The following CSTPP1 variants were observed in gnomAD, a reference collection of about 807,000 sequenced individuals.
CSTPP1 encodes centriolar satellite-associated tubulin polyglutamylase complex regulator 1.
chr11:46,981,692 T>G, the CSTPP1 span, among the ~76,000 whole-genome samples: 14,272 of 152,122 alleles, frequency 0.094, 2,221 homozygotes, highest in African/African-American at 0.33. Flanking sequence ...GAGTCAAATC[T>G]AAGTTTGAAT....
chr11:47,086,124 C>T, the CSTPP1 span, among the ~76,000 whole-genome samples: 182 of 151,132 alleles, frequency 1.2e-3, no homozygotes, highest in African/African-American at 4.2e-3. Flanking sequence ...CACAGTGGCT[C>T]ACGCCTGAAA....
chr11:47,023,592 T>G, the CSTPP1 span, among the ~76,000 whole-genome samples: 1 of 152,240 alleles, frequency 6.6e-6, no homozygotes, highest in African/African-American at 2.4e-5. Context: ...CACTAAATAC[T>G]GACTTGCCAA....
At chr11:47,137,875 A>C in the CSTPP1 span, 11 of 717,828 alleles carry the variant, frequency 1.5e-5, no homozygotes, top group Non-Finnish European at 2.5e-5. Context: ...ATGTGCCCCA[A>C]AACATAATAC....
the CSTPP1 span, among the ~76,000 whole-genome samples, chr11:47,034,947 C>CT: frequency 6.6e-6 from 1 of 152,186 alleles, no homozygotes; most frequent in Admixed American, 6.5e-5. Context: ...AATTCTCCAG[C>CT]TTTAGACCCT....
At chr11:46,962,056 A>G in the CSTPP1 span, among the ~76,000 whole-genome samples, 1 of 152,160 alleles carries the variant, frequency 6.6e-6, no homozygotes, top group Admixed American at 6.5e-5. Context: ...TTATAAAACC[A>G]TCAGATCTTG....
the CSTPP1 span, among the ~76,000 whole-genome samples, chr11:47,033,804 A>G: frequency 6.6e-6 from 1 of 152,150 alleles, no homozygotes; most frequent in Non-Finnish European, 1.5e-5. Context: ...ACAGAGTACT[A>G]TGTGTAATGG....
the CSTPP1 span, among the ~76,000 whole-genome samples, chr11:47,163,557 G>A: frequency 6.6e-6 from 1 of 152,194 alleles, no homozygotes. Flanking sequence ...CCAAGCTAAG[G>A]ATTTACACAC....
the CSTPP1 span, among the ~76,000 whole-genome samples, chr11:47,033,756 A>G: frequency 6.6e-6 from 1 of 152,198 alleles, no homozygotes; most frequent in South Asian, 2.1e-4. Context: ...TTGATGTTCT[A>G]TCAGGATTCT....
chr11:47,135,210 AAAAC>A, the CSTPP1 span, among the ~76,000 whole-genome samples: 1 of 152,140 alleles, frequency 6.6e-6, no homozygotes, highest in Non-Finnish European at 1.5e-5. Flanking sequence ...AAACAGAACC[AAAAC>A]AAACTCCCAT....
At chr11:47,095,774 G>A in the CSTPP1 span, among the ~76,000 whole-genome samples, 1 of 152,264 alleles carries the variant, frequency 6.6e-6, no homozygotes, top group African/African-American at 2.4e-5. Context: ...AGTTCCCAAG[G>A]AGTAATGTCC....
chr11:47,067,064 A>T, the CSTPP1 span, among the ~76,000 whole-genome samples: 2 of 152,184 alleles, frequency 1.3e-5, no homozygotes, highest in African/African-American at 4.8e-5. Context: ...GAGGACTTTT[A>T]TTTGGTTTTA....
chr11:47,055,965 G>A, the CSTPP1 span, among the ~76,000 whole-genome samples: 2 of 152,164 alleles, frequency 1.3e-5, no homozygotes, highest in African/African-American at 4.8e-5. Context: ...GAGTATATAG[G>A]TAAAGCTCGT....
At chr11:47,037,305 G>T in the CSTPP1 span, among the ~76,000 whole-genome samples, 4 of 126,836 alleles carry the variant, frequency 3.2e-5, 1 homozygote, top group Non-Finnish European at 7.5e-5. Flanking sequence ...TAAAAACGTA[G>T]ATGAAACGAC....
chr11:47,050,837 C>T, the CSTPP1 span, among the ~76,000 whole-genome samples: 1 of 152,186 alleles, frequency 6.6e-6, no homozygotes, highest in African/African-American at 2.4e-5. Context: ...CCTCTTCTAA[C>T]CTAATCTTTT....
the CSTPP1 span, among the ~76,000 whole-genome samples, chr11:47,006,560 T>C: frequency 6.6e-6 from 1 of 151,946 alleles, no homozygotes; most frequent in Non-Finnish European, 1.5e-5. Flanking sequence ...TCAAATTTAC[T>C]TCTGTTCTAC....
chr11:47,156,988 C>T, the CSTPP1 span: 151 of 1,608,904 alleles, frequency 9.4e-5, no homozygotes, highest in East Asian at 1.3e-4. Flanking sequence ...CTGCCTGAGC[C>T]GTCCACACCC....
the CSTPP1 span, among the ~76,000 whole-genome samples, chr11:47,116,737 T>C: frequency 7.5e-6 from 1 of 133,176 alleles, no homozygotes; most frequent in Non-Finnish European, 1.5e-5. Flanking sequence ...TGGAGTGCAC[T>C]GGTGCCATCT....
At chr11:47,115,410 A>G in the CSTPP1 span, among the ~76,000 whole-genome samples, 3 of 152,210 alleles carry the variant, frequency 2.0e-5, no homozygotes, top group Non-Finnish European at 4.4e-5. Context: ...GAATGGTACC[A>G]GCTCCTCTTT....
chr11:47,152,257 T>A, the CSTPP1 span, among the ~76,000 whole-genome samples: 3 of 147,640 alleles, frequency 2.0e-5, no homozygotes, highest in South Asian at 2.2e-4. Context: ...AAAAAAAAAA[T>A]GCCTCTATTG....
Sources: gnomAD v4.1 joint callset for allele counts (sites outside exome capture counted in the v4.1 genomes callset) on GRCh38, gnomAD v4.1.1 for gene constraint, MANE v1.5 for transcripts, NCBI Gene and HGNC (gene_info 2026-07-23, HGNC 2026-07-21) for gene names.